SATB2: variants seen among roughly 807,000 people sequenced by gnomAD.
SATB2 encodes the protein SATB homeobox 2.
Under a neutral mutation model 73.4 loss-of-function variants are expected in SATB2, and 1 was observed. The observed-to-expected ratio is 0.01, with a 90% CI of 0.00 to 0.06. The LOEUF is 0.06. SATB2 is among the 10% of genes least tolerant of loss of function. The pLI is 1.00. For synonymous variants in SATB2, 397 were observed against 367.0 expected, an observed-to-expected ratio of 1.08 and a Z score of -0.93; for missense variants, 459 against 945.8, an observed-to-expected ratio of 0.49 and a Z score of 6.75.
intron 6 of SATB2, among the ~76,000 whole-genome samples, chr2:199,353,906 C>T (rs1357534281): frequency 6.6e-6 from 1 of 152,176 alleles, no homozygotes; most frequent in East Asian, 1.9e-4. Context: ...GCCCTAAGGG[C>T]CATCTTATCC....
intron 2 of SATB2, among the ~76,000 whole-genome samples, chr2:199,441,632 G>A (rs1448915217): frequency 6.6e-6 from 1 of 152,132 alleles, no homozygotes; most frequent in Non-Finnish European, 1.5e-5. Flanking sequence ...GGATGGGAGA[G>A]TGGACGCTAG....
upstream of SATB2, chr2:199,469,665 G>T (rs1456554694): frequency 1.3e-5 from 2 of 152,392 alleles, no homozygotes; most frequent in African/African-American, 4.8e-5. Flanking sequence ...CCTAGAGGCC[G>T]GACCAAGTTC....
At chr2:199,390,239 TG>T in intron 3 of SATB2, among the ~76,000 whole-genome samples, 1 of 152,030 alleles carries the variant, frequency 6.6e-6, no homozygotes, top group Non-Finnish European at 1.5e-5. Context: ...AAAAAAAATG[TG>T]GTTGGTGTTT....
At chr2:199,379,147 A>T (rs1689690439) in intron 5 of SATB2, among the ~76,000 whole-genome samples, 1 of 152,194 alleles carries the variant, frequency 6.6e-6, no homozygotes. Flanking sequence ...AATCCACCAT[A>T]GGAAAAATAT....
rs1692128239 is a variant in SATB2 at position 199,270,705 on chromosome 2, A to C, written c.*1506T>G. The C allele has an allele frequency of 6.6e-6, 1 of 152,384 alleles. No individual in the cohort carries two copies. The highest frequency in any genetic ancestry group is 2.4e-5 in the African/African-American group (1 of 41,470). The allele number at this position is 152,384 out of a possible 1,614,324, so 9.4% of individuals were successfully genotyped here. A position where few individuals can be genotyped will look rare whatever the true frequency, so the allele number is the denominator to read the frequency against. On this transcript the variant is annotated 3_prime_UTR_variant, in exon 11 of 11. Coordinates refer to ENST00000417098, the MANE Select transcript of SATB2 (RefSeq NM_001172509.2). ...GAGTACTATAGTAGATTGCAGCTTT[A>C]ATGCTCATCCCATTAAACATCCAGT...
At chr2:199,355,339 TG>T (rs1688942970) in intron 6 of SATB2, among the ~76,000 whole-genome samples, 1 of 96,548 alleles carries the variant, frequency 1.0e-5, no homozygotes. Flanking sequence ...TGTGTGTGTG[TG>T]TGTGTATCTA....
chr2:199,441,139 G>GC (rs71397723), intron 2 of SATB2, among the ~76,000 whole-genome samples: 1 of 152,068 alleles, frequency 6.6e-6, no homozygotes, highest in Non-Finnish European at 1.5e-5. Flanking sequence ...GAGCCACCTT[G>GC]CCCAGCCATC....
intron 2 of SATB2, among the ~76,000 whole-genome samples, chr2:199,454,189 G>C (rs937464612): frequency 7.9e-5 from 12 of 152,130 alleles, no homozygotes; most frequent in African/African-American, 1.2e-4. Flanking sequence ...GAAAAAACTT[G>C]TTTTAGGGAA....
At chr2:199,317,802 G>T (rs1269085224) in intron 9 of SATB2, among the ~76,000 whole-genome samples, 1 of 151,966 alleles carries the variant, frequency 6.6e-6, no homozygotes, top group Non-Finnish European at 1.5e-5. Flanking sequence ...AAAAAGAGGG[G>T]AGACTGGAGG....
At chr2:199,436,028 G>A (rs1270599875) in intron 2 of SATB2, among the ~76,000 whole-genome samples, 4 of 152,098 alleles carry the variant, frequency 2.6e-5, no homozygotes, top group East Asian at 1.9e-4. Flanking sequence ...CATAAGTTTC[G>A]ATGCTGAAAA....
intron 3 of SATB2, among the ~76,000 whole-genome samples, chr2:199,427,425 A>G (rs1000844541): frequency 1.3e-5 from 2 of 152,164 alleles, no homozygotes; most frequent in Non-Finnish European, 2.9e-5. Context: ...AAAAAATTAC[A>G]AAATGATTAA....
Position 199,271,930 on chromosome 2 carries a change from A to G in SATB2, c.*281T>C, listed in dbSNP as rs1692169438. 3 of 474,554 alleles carry G rather than the reference A, an allele frequency of 6.3e-6. No individual in the cohort carries two copies. The highest frequency in any genetic ancestry group is 1.2e-5 in the Non-Finnish European group (3 of 259,674). 29.4% of individuals were successfully genotyped at this position (474,554 alleles called of 1,614,324 possible). A position where few individuals can be genotyped will look rare whatever the true frequency, so the allele number is the denominator to read the frequency against. On this transcript the variant is annotated 3_prime_UTR_variant, in exon 11 of 11. Coordinates refer to ENST00000417098, the MANE Select transcript of SATB2 (RefSeq NM_001172509.2). ...AGAGTCTCCTGTGATTATAATGACT[A>G]TGATCCAGTCATAGAGACGGGATAA...
intron 2 of SATB2, among the ~76,000 whole-genome samples, chr2:199,439,467 T>A (rs1436781096): frequency 6.6e-6 from 1 of 152,208 alleles, no homozygotes; most frequent in Non-Finnish European, 1.5e-5. Flanking sequence ...ATAAAGACTG[T>A]AGGGCAAAGC....
chr2:199,328,359 G>A (rs574372754), intron 8 of SATB2, among the ~76,000 whole-genome samples: 1 of 152,018 alleles, frequency 6.6e-6, no homozygotes, highest in African/African-American at 2.4e-5. Flanking sequence ...TGGCCAACAT[G>A]GTGAAACCCC....
chr2:199,276,536 T>G (rs1692317750), intron 10 of SATB2, among the ~76,000 whole-genome samples: 1 of 152,300 alleles, frequency 6.6e-6, no homozygotes, highest in Middle Eastern at 3.4e-3. Context: ...TTTGACAGTT[T>G]GGGCATAATT....
rs149518845 is a variant in SATB2 at position 199,408,286 on chromosome 2, C to T, written c.346+25052G>A. ...GGCTATAACACTTGACTATATAAAA[C>T]GGAATAAGAATGTATTAAATTATTT... On this transcript the variant is annotated intron_variant, in intron 3 of 10. Coordinates refer to ENST00000417098, the MANE Select transcript of SATB2 (RefSeq NM_001172509.2). Among the ~76,000 whole-genome samples the T allele has an allele frequency of 4.3e-3, 658 of 151,974 alleles. 5 individuals are homozygous for T. Among genetic ancestry groups the T allele is most frequent in the African/African-American group, 0.015 (610 of 41,448 alleles).
intron 3 of SATB2, chr2:199,396,792 A>C (rs980955290): frequency 2.6e-5 from 4 of 152,228 alleles, no homozygotes; most frequent in African/African-American, 9.7e-5. Context: ...ACGGAAGGCC[A>C]TATTAGCAAT....
chr2:199,405,377 T>C (rs761121968), intron 3 of SATB2, among the ~76,000 whole-genome samples: 15 of 152,102 alleles, frequency 9.9e-5, no homozygotes, highest in Non-Finnish European at 2.1e-4. Flanking sequence ...CATAAAGAAC[T>C]TGAGAAAAAT....
At position 199,269,639 on chromosome 2, in the gene SATB2, T is replaced by G. The variant is rs1692093319; in HGVS notation, c.*2572A>C. On this transcript the variant is annotated 3_prime_UTR_variant, in exon 11 of 11. Coordinates refer to ENST00000417098, the MANE Select transcript of SATB2 (RefSeq NM_001172509.2). ...GGAAAAAAGAACATTTACAATATGT[T>G]AATCCTTATTCACATTGTTGATACC... 6.6e-6 allele frequency: 1 copy of G among 151,436 alleles called. No homozygotes were observed. The highest frequency in any genetic ancestry group is 2.4e-5 in the African/African-American group (1 of 41,004). The allele number at this position is 151,436 out of a possible 1,614,324, so 9.4% of individuals were successfully genotyped here. A position where few individuals can be genotyped will look rare whatever the true frequency, so the allele number is the denominator to read the frequency against.
Sources: allele counts gnomAD v4.1 joint callset (sites outside exome capture counted in the v4.1 genomes callset), GRCh38; gene constraint gnomAD v4.1.1; transcripts MANE v1.5; gene names NCBI Gene and HGNC (gene_info 2026-07-23, HGNC 2026-07-21).